Variants in SEMA3D observed in about 807,000 individuals in gnomAD.
SEMA3D encodes the protein semaphorin-3D.
Under a neutral mutation model 100.1 loss-of-function variants are expected in SEMA3D, and 84 were observed. The observed-to-expected ratio is 0.84, with a 90% CI of 0.70 to 1.01. The LOEUF (loss-of-function observed/expected upper bound fraction) is 1.01, where lower values mean the gene tolerates loss of function less well. Ranked by LOEUF, SEMA3D falls within the 50% of genes least tolerant of loss-of-function variation. The probability of loss-of-function intolerance (pLI) is 0.00; values close to 1 mark genes in which losing one functional copy is unlikely to be tolerated. For synonymous variants in SEMA3D, 312 were observed against 320.7 expected (o/e 0.97, Z 0.29); for missense variants, 875 against 934.1 (o/e 0.94, Z 0.82).
chr7:85,169,099 G>C (rs1290914808), intron 1 of SEMA3D, among the ~76,000 whole-genome samples: 1 of 151,446 alleles, frequency 6.6e-6, no homozygotes, highest in African/African-American at 2.4e-5. Flanking sequence ...AGATACATTA[G>C]AAAAAAATTA....
intron 1 of SEMA3D, among the ~76,000 whole-genome samples, chr7:85,160,826 C>T (rs1790726713): frequency 6.6e-6 from 1 of 152,120 alleles, no homozygotes. Context: ...CAAAGTACCT[C>T]TCTGCAAACC....
At chr7:85,019,713 T>C (rs531460445) in intron 14 of SEMA3D, among the ~76,000 whole-genome samples, 1 of 151,820 alleles carries the variant, frequency 6.6e-6, no homozygotes, top group Admixed American at 6.6e-5. Flanking sequence ...AAAGACATTC[T>C]CCAAATCTGG....
intron 4 of SEMA3D, among the ~76,000 whole-genome samples, chr7:85,090,260 G>A (rs903639598): frequency 6.6e-6 from 1 of 152,146 alleles, no homozygotes. Flanking sequence ...GAGTTCTTGT[G>A]AGAGTTCTGG....
intron 5 of SEMA3D, among the ~76,000 whole-genome samples, chr7:85,080,113 T>C (rs1008083664): frequency 1.1e-4 from 16 of 152,340 alleles, no homozygotes; most frequent in African/African-American, 3.4e-4. Context: ...CATTTAATTA[T>C]GTTAATAACT....
intron 4 of SEMA3D, among the ~76,000 whole-genome samples, chr7:85,088,129 C>T (rs570984937): frequency 9.3e-4 from 141 of 152,202 alleles, no homozygotes; most frequent in Non-Finnish European, 1.4e-3. Context: ...AGAAGGGACT[C>T]ATAAAATATT....
chr7:85,030,614 T>C (rs1012097751), intron 12 of SEMA3D, among the ~76,000 whole-genome samples: 7 of 152,074 alleles, frequency 4.6e-5, no homozygotes, highest in African/African-American at 1.7e-4. Flanking sequence ...CCTCACCTTT[T>C]TGATAAGGGA....
intron 12 of SEMA3D, among the ~76,000 whole-genome samples, chr7:85,029,938 A>G (rs1790499030): frequency 6.6e-6 from 1 of 152,040 alleles, no homozygotes. Flanking sequence ...TGGTATCAAA[A>G]AAAGATTAAA....
intron 1 of SEMA3D, among the ~76,000 whole-genome samples, chr7:85,180,535 G>A (rs1000407575): frequency 7.2e-5 from 11 of 152,116 alleles, no homozygotes; most frequent in Non-Finnish European, 1.5e-4. Context: ...TAACATTTAA[G>A]ATAGACTTCA....
At chr7:85,160,156 T>C (rs1244241895) in intron 1 of SEMA3D, 6 of 492,040 alleles carry the variant, frequency 1.2e-5, no homozygotes, top group Middle Eastern at 9.7e-4. Context: ...ATTGATCTGA[T>C]AGAAAACAAA....
intron 5 of SEMA3D, among the ~76,000 whole-genome samples, 162 bp downstream of exon 5, chr7:85,081,355 A>G (rs908578545): frequency 6.6e-6 from 1 of 152,160 alleles, no homozygotes; most frequent in African/African-American, 2.4e-5. Flanking sequence ...GCTTTTGGTA[A>G]GATAGAGATA....
intron 2 of SEMA3D, among the ~76,000 whole-genome samples, chr7:85,128,209 C>G (rs1271343428): frequency 6.6e-6 from 1 of 151,746 alleles, no homozygotes; most frequent in Non-Finnish European, 1.5e-5. Flanking sequence ...ACTCTGTCAA[C>G]CAGACAGGAG....
chr7:85,214,565 C>T, the SEMA3D span, among the ~76,000 whole-genome samples: 306 of 151,074 alleles, frequency 2.0e-3, 7 homozygotes, highest in Non-Finnish European at 4.3e-4. Context: ...GGTGTGATCT[C>T]GGCTTCCTGC....
intron 8 of SEMA3D, among the ~76,000 whole-genome samples, chr7:85,060,454 C>T (rs542585374): frequency 6.6e-6 from 1 of 152,224 alleles, no homozygotes; most frequent in Admixed American, 6.5e-5. Flanking sequence ...TCAGTGCATA[C>T]TTGATCAATT....
the SEMA3D span, among the ~76,000 whole-genome samples, chr7:85,236,855 G>A: frequency 6.6e-6 from 1 of 152,146 alleles, no homozygotes; most frequent in African/African-American, 2.4e-5. Context: ...AACAGGCACA[G>A]GATGCTAGAG....
At chr7:85,228,927 C>T in the SEMA3D span, among the ~76,000 whole-genome samples, 592 of 152,030 alleles carry the variant, frequency 3.9e-3, 3 homozygotes, top group African/African-American at 0.014. Flanking sequence ...AATTAAGTAG[C>T]CCAGTTTATA....
intron 9 of SEMA3D, chr7:85,050,550 A>G (rs1390864965): frequency 2.2e-5 from 8 of 364,104 alleles, no homozygotes; most frequent in Non-Finnish European, 3.5e-5. Context: ...GAAGGCACTT[A>G]TTCGCCTCAG....
chr7:85,230,080 C>T, the SEMA3D span, among the ~76,000 whole-genome samples: 1 of 152,134 alleles, frequency 6.6e-6, no homozygotes, highest in South Asian at 2.1e-4. Flanking sequence ...GATAAATGTG[C>T]AGCAAAATAG....
chr7:85,070,812 GCT>G (rs1219311194), intron 6 of SEMA3D, among the ~76,000 whole-genome samples: 1 of 151,996 alleles, frequency 6.6e-6, no homozygotes, highest in Non-Finnish European at 1.5e-5. Flanking sequence ...AGACAGTCTT[GCT>G]CTGTCGCCCA....
At chr7:85,231,050 G>A in the SEMA3D span, among the ~76,000 whole-genome samples, 3 of 152,126 alleles carry the variant, frequency 2.0e-5, no homozygotes, top group Non-Finnish European at 4.4e-5. Flanking sequence ...GTATGTAGAT[G>A]TTGTTTTCTT....
Sources: gnomAD v4.1 joint callset for allele counts (sites outside exome capture counted in the v4.1 genomes callset) on GRCh38, gnomAD v4.1.1 for gene constraint, MANE v1.5 for transcripts, NCBI Gene and HGNC (gene_info 2026-07-23, HGNC 2026-07-21) for gene names.